The following RAB6A variants were observed in gnomAD, a reference collection of about 807,000 sequenced individuals.
RAB6A encodes the protein ras-related protein Rab-6A.
RAB6A carries 8 observed loss-of-function variants against 32.3 expected under a neutral mutation model. That is an observed-to-expected ratio of 0.25 (90% CI 0.15 to 0.45). The LOEUF is 0.45. Among genes scored for constraint, RAB6A ranks in the 20% least tolerant of loss-of-function variants. The pLI is 1.00. For missense variants in RAB6A, 104 were observed against 249.4 expected (o/e 0.42, Z 3.93); for synonymous variants, 73 against 82.1 (o/e 0.89, Z 0.60).
intron 6 of RAB6A, among the ~76,000 whole-genome samples, chr11:73,700,370 G>A (rs1269965018): frequency 6.6e-6 from 1 of 152,144 alleles, no homozygotes; most frequent in East Asian, 1.9e-4. Context: ...GGAGGCCAAG[G>A]CTGGTGGATC....
At chr11:73,755,920 AAAG>A (rs1946744007) in intron 1 of RAB6A, among the ~76,000 whole-genome samples, 1 of 151,568 alleles carries the variant, frequency 6.6e-6, no homozygotes, top group African/African-American at 2.4e-5. Flanking sequence ...GGAGGAGGAG[AAAG>A]AAGAGGAGGA....
chr11:73,678,756 G>A (rs1945307864), intron 7 of RAB6A, among the ~76,000 whole-genome samples: 1 of 149,364 alleles, frequency 6.7e-6, no homozygotes, highest in Non-Finnish European at 1.5e-5. Context: ...ATGGAGTTTC[G>A]ATCCTGTTGC....
chr11:73,728,461 T>C (rs1275670216), intron 2 of RAB6A, among the ~76,000 whole-genome samples: 1 of 151,926 alleles, frequency 6.6e-6, no homozygotes, highest in African/African-American at 2.4e-5. Context: ...TTATTGCTTT[T>C]TGTATATTCC....
intron 6 of RAB6A, among the ~76,000 whole-genome samples, chr11:73,706,057 A>T (rs1338076540): frequency 1.3e-5 from 2 of 152,252 alleles, no homozygotes; most frequent in Non-Finnish European, 2.9e-5. Context: ...CAATATGTTA[A>T]TGAGGAAAGA....
chr11:73,742,041 G>C (rs60239378), intron 1 of RAB6A, among the ~76,000 whole-genome samples: 15,206 of 152,192 alleles, frequency 0.1, 861 homozygotes, highest in South Asian at 0.27. Context: ...CAGCACGTTG[G>C]GAGGCTGAGG....
chr11:73,703,712 GC>G (rs1397381266), intron 6 of RAB6A, among the ~76,000 whole-genome samples: 16 of 151,924 alleles, frequency 1.1e-4, no homozygotes, highest in African/African-American at 3.6e-4. Flanking sequence ...ACTCACTCCA[GC>G]CTGGGCAACA....
chr11:73,700,552 C>A (rs2134903936), intron 6 of RAB6A, among the ~76,000 whole-genome samples: 1 of 129,656 alleles, frequency 7.7e-6, no homozygotes, highest in East Asian at 2.3e-4. Flanking sequence ...CCACTATACT[C>A]CAGCCTGGGT....
chr11:73,691,513 G>GC (rs1201893101), intron 6 of RAB6A, among the ~76,000 whole-genome samples: 1 of 152,156 alleles, frequency 6.6e-6, no homozygotes, highest in African/African-American at 2.4e-5. Context: ...GATTGTAATA[G>GC]CCTATTTTTA....
intron 5 of RAB6A, among the ~76,000 whole-genome samples, chr11:73,712,500 G>A (rs1285449415): frequency 6.6e-6 from 1 of 152,016 alleles, no homozygotes; most frequent in Non-Finnish European, 1.5e-5. Context: ...ACAGGCACAT[G>A]CCACCACGCC....
intron 1 of RAB6A, among the ~76,000 whole-genome samples, chr11:73,737,405 C>A (rs182638014): frequency 1.3e-5 from 2 of 152,152 alleles, no homozygotes; most frequent in Admixed American, 1.3e-4. Context: ...ATTGCTTGAA[C>A]CTAGGAGTTT....
intron 7 of RAB6A, among the ~76,000 whole-genome samples, chr11:73,678,347 T>C (rs1054862330): frequency 1.3e-5 from 2 of 152,216 alleles, no homozygotes; most frequent in African/African-American, 4.8e-5. Flanking sequence ...CCGGGTGCCG[T>C]GGCTCATGCC....
At chr11:73,731,731 TACAC>T (rs148400595) in intron 1 of RAB6A, among the ~76,000 whole-genome samples, 252 of 16,914 alleles carry the variant, frequency 0.015, 8 homozygotes, top group African/African-American at 0.049. Context: ...TATATATATA[TACAC>T]ACACACACAC....
Position 73,697,715 on chromosome 11 carries a change from T to C in RAB6A, c.495+9705A>G, listed in dbSNP as rs73546575. ...TTATATTTCACTAATTGTCTAACTC[T>C]CCATACCAGAATGTAAGCTCCATAA... On this transcript the variant is annotated intron_variant, in intron 6 of 7. Coordinates refer to ENST00000336083, the MANE Select transcript of RAB6A (RefSeq NM_198896.2). Among the ~76,000 whole-genome samples, 572 of 152,294 alleles carry C rather than the reference T, an allele frequency of 3.8e-3. 4 individuals are homozygous for C. The highest frequency in any genetic ancestry group is 0.013 in the African/African-American group (544 of 41,556).
intron 1 of RAB6A, among the ~76,000 whole-genome samples, chr11:73,758,113 TCAAAAG>T (rs1324546263): frequency 2.0e-5 from 3 of 146,652 alleles, no homozygotes; most frequent in Non-Finnish European, 3.0e-5. Flanking sequence ...AAGAGTTACA[TCAAAAG>T]GACATGGAGT....
intron 1 of RAB6A, among the ~76,000 whole-genome samples, chr11:73,738,297 C>A (rs1333298450): frequency 6.6e-6 from 1 of 152,048 alleles, no homozygotes; most frequent in Non-Finnish European, 1.5e-5. Context: ...CGTGAGGCAC[C>A]ATGCCTAGCC....
At chr11:73,693,323 G>T (rs1422308025) in intron 6 of RAB6A, among the ~76,000 whole-genome samples, 2 of 146,996 alleles carry the variant, frequency 1.4e-5, no homozygotes, top group Admixed American at 1.3e-4. Flanking sequence ...AATAAATAAA[G>T]GATTTAAGGA....
intron 5 of RAB6A, among the ~76,000 whole-genome samples, chr11:73,714,530 C>T (rs907644165): frequency 6.6e-6 from 1 of 151,148 alleles, no homozygotes; most frequent in African/African-American, 2.4e-5. Context: ...GGCATGGTGG[C>T]AGGCATCAGT....
At chr11:73,736,824 A>C (rs113193604) in intron 1 of RAB6A, among the ~76,000 whole-genome samples, 122 of 144,680 alleles carry the variant, frequency 8.4e-4, no homozygotes, top group African/African-American at 2.2e-3. Context: ...AAAAAAAAAA[A>C]AACAATTAGC....
At chr11:73,711,433 A>G (rs1945956242) in intron 5 of RAB6A, among the ~76,000 whole-genome samples, 1 of 152,204 alleles carries the variant, frequency 6.6e-6, no homozygotes, top group South Asian at 2.1e-4. Context: ...TAATATATAC[A>G]TTCTTCATTC....
Sources: allele counts gnomAD v4.1 joint callset (sites outside exome capture counted in the v4.1 genomes callset), GRCh38; gene constraint gnomAD v4.1.1; transcripts MANE v1.5; gene names NCBI Gene and HGNC (gene_info 2026-07-23, HGNC 2026-07-21).